Variants in CCDC169 observed in about 807,000 individuals in gnomAD.
CCDC169 encodes coiled-coil domain-containing protein 169.
Under a neutral mutation model 36.0 loss-of-function variants are expected in CCDC169, and 30 were observed. The ratio of observed to expected loss-of-function variants is 0.83; its 90% confidence interval spans 0.62 to 1.13. The LOEUF (loss-of-function observed/expected upper bound fraction) is 1.13. Among genes scored for constraint, CCDC169 ranks in the 50% most tolerant of loss-of-function variants. CCDC169 has a pLI of 0.00. For missense variants in CCDC169, 245 were observed against 245.9 expected (o/e 1.00, Z 0.03); for synonymous variants, 85 against 81.5 (o/e 1.04, Z -0.23).
chr13:36,286,893 C>T (rs1306214000), intron 2 of CCDC169, among the ~76,000 whole-genome samples: 1 of 152,124 alleles, frequency 6.6e-6, no homozygotes, highest in African/African-American at 2.4e-5. Context: ...TCTCTTTCCT[C>T]TTCCTGCCCA....
chr13:36,261,084 CA>C (rs1304911395), intron 4 of CCDC169, among the ~76,000 whole-genome samples: 1 of 152,106 alleles, frequency 6.6e-6, no homozygotes, highest in Admixed American at 6.5e-5. Flanking sequence ...CTGTATTGCG[CA>C]GTAATTTTCA....
intron 7 of CCDC169, among the ~76,000 whole-genome samples, chr13:36,231,677 C>T (rs1870448294): frequency 6.6e-6 from 1 of 152,192 alleles, no homozygotes; most frequent in African/African-American, 2.4e-5. Flanking sequence ...TCCTTACACT[C>T]TGACTTGAGA....
chr13:36,261,904 T>G (rs1296944317), intron 4 of CCDC169, among the ~76,000 whole-genome samples: 1 of 152,234 alleles, frequency 6.6e-6, no homozygotes, highest in African/African-American at 2.4e-5. Context: ...TCAGTTGATT[T>G]TAGCCCAGTA....
At chr13:36,248,003 C>T (rs1219915448) in intron 7 of CCDC169, among the ~76,000 whole-genome samples, 1 of 152,184 alleles carries the variant, frequency 6.6e-6, no homozygotes, top group Non-Finnish European at 1.5e-5. Context: ...AACCACCACC[C>T]TGATCCATCA....
At chr13:36,271,020 A>G (rs1435571747) in intron 4 of CCDC169, among the ~76,000 whole-genome samples, 1 of 152,174 alleles carries the variant, frequency 6.6e-6, no homozygotes, top group African/African-American at 2.4e-5. Flanking sequence ...TGCAAACCAC[A>G]CATCTGATAA....
downstream of CCDC169, chr13:36,222,270 C>G (rs967921970): frequency 3.3e-5 from 5 of 152,220 alleles, no homozygotes; most frequent in African/African-American, 1.2e-4. Context: ...GGATCCCAAA[C>G]AAAGCATGGT....
At chr13:36,226,255 A>T (rs1208847222), downstream of CCDC169, 2 of 152,224 alleles carry the variant, frequency 1.3e-5, no homozygotes, top group Non-Finnish European at 2.9e-5. Flanking sequence ...AACCCTTTTG[A>T]CACCAAGGGC....
chr13:36,287,310 T>TA (rs1255957017), intron 2 of CCDC169, among the ~76,000 whole-genome samples: 1 of 152,096 alleles, frequency 6.6e-6, no homozygotes, highest in African/African-American at 2.4e-5. Context: ...AAAAGCGGTT[T>TA]AAAAAAACTG....
intron 7 of CCDC169, among the ~76,000 whole-genome samples, chr13:36,238,363 C>T (rs1698317217): frequency 2.0e-5 from 3 of 152,130 alleles, no homozygotes; most frequent in African/African-American, 7.2e-5. Context: ...AACTCCTGGG[C>T]TCAAGTGATT....
downstream of CCDC169, among the ~76,000 whole-genome samples, chr13:36,229,091 C>G (rs1870147103): frequency 6.6e-6 from 1 of 151,964 alleles, no homozygotes; most frequent in South Asian, 2.1e-4. Context: ...AATTCACATC[C>G]CTTCTAGTGG....
rs1211353485 is a variant in CCDC169, at chr13:36,253,912, G to C, written c.415-56C>G. Reference sequence around the variant, plus strand: ...ACATATGAGAAGATTAGCAATACTAGCAAGACTAAGTTAAGGTGTATGTCT... The same window carrying C: ...ACATATGAGAAGATTAGCAATACTACCAAGACTAAGTTAAGGTGTATGTCT... On this transcript the variant is annotated intron_variant, in intron 5 of 7. Transcript: ENST00000239859. 4 of 1,542,988 alleles carry C rather than the reference G, an allele frequency of 2.6e-6. No homozygotes were observed. In the African/African-American group the frequency reaches 4.1e-5, roughly 16 times the overall value.
At chr13:36,294,633 T>TTTA (rs1307046881) in intron 2 of CCDC169, among the ~76,000 whole-genome samples, 1 of 152,104 alleles carries the variant, frequency 6.6e-6, no homozygotes, top group Non-Finnish European at 1.5e-5. Flanking sequence ...AAGGTAAGGC[T>TTTA]TTATTCGGCC....
intron 4 of CCDC169, among the ~76,000 whole-genome samples, chr13:36,263,896 A>C (rs1054652879): frequency 5.3e-5 from 8 of 152,174 alleles, no homozygotes; most frequent in African/African-American, 1.9e-4. Flanking sequence ...AGGGATAATC[A>C]GGGGGTGAGG....
chr13:36,226,908 C>T (rs879607176), downstream of CCDC169: 55 of 404,122 alleles, frequency 1.4e-4, no homozygotes, highest in Non-Finnish European at 1.8e-4. Flanking sequence ...CAATATACCA[C>T]GATAGCAAAC....
At chr13:36,293,212 TTGCCCCAC>T (rs1332929852) in intron 2 of CCDC169, among the ~76,000 whole-genome samples, 4 of 152,162 alleles carry the variant, frequency 2.6e-5, no homozygotes, top group Non-Finnish European at 5.9e-5. Flanking sequence ...ACCTTTAATA[TTGCCCCAC>T]TGCCTTCAGG....
At chr13:36,248,768 T>G in intron 6 of CCDC169, 86 bp from the exon 7 acceptor site, 4 of 1,241,540 alleles carry the variant, frequency 3.2e-6, no homozygotes, top group Non-Finnish European at 4.5e-6. Context: ...CAATTAACTC[T>G]CCCATAACCA....
Position 36,246,575 on chromosome 13 carries a change from G to T in CCDC169, c.545+2031C>A, listed in dbSNP as rs527920655. 6.6e-5 allele frequency among the ~76,000 whole-genome samples: 10 copies of T among 152,350 alleles called. No individual in the cohort carries two copies. The South Asian group carries it at 2.1e-3, about 32-fold the overall frequency. On this transcript the variant is annotated intron_variant, in intron 7 of 7. Transcript: ENST00000239859. ...GGATGGTTCATGAGGTTTAAGGAAAGAAGCCCCCTTCATAACATAAAAATG... is the reference window on the plus strand; with the variant it reads ...GGATGGTTCATGAGGTTTAAGGAAATAAGCCCCCTTCATAACATAAAAATG...
chr13:36,267,093 GA>G (rs1277759985), intron 4 of CCDC169: 1 of 152,242 alleles, frequency 6.6e-6, no homozygotes, highest in Non-Finnish European at 1.5e-5. Flanking sequence ...AGGACAGTGA[GA>G]GAAGGTTGGC....
Position 36,231,307 on chromosome 13 carries a change from T to C in CCDC169, c.546-15A>G. 1 of 1,550,252 alleles carries C rather than the reference T, an allele frequency of 6.5e-7. No individual in the cohort carries two copies. The highest frequency in any genetic ancestry group is 8.7e-7 in the Non-Finnish European group (1 of 1,146,450). On this transcript the variant is annotated splice_polypyrimidine_tract_variant and intron_variant, in intron 7 of 7. Coordinates refer to ENST00000239859, the MANE Select transcript of CCDC169 (RefSeq NM_001144981.3). Reference sequence around the variant, plus strand: ...TATATCTTCCACTGAAATAAATAAGTGTTAATCATAATTTTTCAGTCACCA... The same window carrying C: ...TATATCTTCCACTGAAATAAATAAGCGTTAATCATAATTTTTCAGTCACCA...
Sources: allele counts gnomAD v4.1 joint callset (sites outside exome capture counted in the v4.1 genomes callset), GRCh38; gene constraint gnomAD v4.1.1; transcripts MANE v1.5; gene names NCBI Gene and HGNC (gene_info 2026-07-23, HGNC 2026-07-21).